The following TNR variants were observed in gnomAD, a reference collection of about 807,000 sequenced individuals.
The protein encoded by TNR is tenascin-R.
Under a neutral mutation model 150.4 loss-of-function variants are expected in TNR, and 45 were observed. The observed-to-expected ratio is 0.30, with a 90% CI of 0.24 to 0.38. The LOEUF (loss-of-function observed/expected upper bound fraction) is 0.38. Among genes scored for constraint, TNR ranks in the 10% least tolerant of loss-of-function variants. TNR has a pLI of 1.00. For missense variants in TNR, 1,544 were observed against 1,759.1 expected (o/e 0.88, Z 2.19); for synonymous variants, 687 against 678.4 (o/e 1.01, Z -0.20).
rs1557860449 is a variant in TNR at position 175,321,101 on chromosome 1, T to TGGGG, written c.*2255_*2256insCCCC. The TGGGG allele has an allele frequency of 6.6e-6, 1 of 152,178 alleles. No individual in the cohort carries two copies. The highest frequency in any genetic ancestry group is 1.5e-5 in the Non-Finnish European group (1 of 68,046). 9.4% of individuals were successfully genotyped at this position (152,178 alleles called of 1,614,324 possible). The stretch of plus-strand genomic sequence containing the variant: ...TCCCATGCAATGTGCTTCCTACTAT[T>TGGGG]CATTGTTGCCCCGTCTCTAGGTAAG... On this transcript the variant is annotated 3_prime_UTR_variant, in exon 23 of 23. Transcript: ENST00000367674.
At chr1:175,698,461 G>A (rs1666594215) in intron 1 of TNR, among the ~76,000 whole-genome samples, 1 of 152,168 alleles carries the variant, frequency 6.6e-6, no homozygotes, top group Admixed American at 6.5e-5. Flanking sequence ...AAGAGATGGT[G>A]AGGAGACCAG....
intron 1 of TNR, among the ~76,000 whole-genome samples, chr1:175,630,362 T>G (rs1664287702): frequency 6.6e-6 from 1 of 152,200 alleles, no homozygotes; most frequent in Non-Finnish European, 1.5e-5. Context: ...GTTCATTGAG[T>G]GTGTGTCTAT....
Position 175,403,199 on chromosome 1 carries a change from T to A in TNR, c.917A>T (p.Gln306Leu), listed in dbSNP as rs777624185. 1 of 1,613,982 alleles carries A rather than the reference T, an allele frequency of 6.2e-7. No individual in the cohort carries two copies. The highest frequency in any genetic ancestry group is 1.1e-5 in the South Asian group (1 of 91,066). ...ACAGACGCAGAGCCCCTCCTCACAT[T>A]GTCCTCGCCCACTGCAGGCATTCAG... ...QCLNACSGRG[Q>L]CEEGLCVCEE... Residue 306 changes from glutamine to leucine, a missense_variant, in exon 4 of 23, where the codon CAA (glutamine) becomes CTA (leucine). Physicochemically the swap from Gln to Leu is moderately radical, Grantham distance 113 (BLOSUM62 -2). Transcript: ENST00000367674.
At chr1:175,448,510 C>T (rs534078835) in intron 2 of TNR, among the ~76,000 whole-genome samples, 3 of 152,260 alleles carry the variant, frequency 2.0e-5, no homozygotes, top group African/African-American at 7.2e-5. Flanking sequence ...GTGCCCGGCG[C>T]CTTCAGGGAT....
chr1:175,504,029 C>G (rs531444835), intron 2 of TNR, among the ~76,000 whole-genome samples: 8 of 152,080 alleles, frequency 5.3e-5, no homozygotes, highest in Non-Finnish European at 1.2e-4. Flanking sequence ...GGCTGCACCG[C>G]GGGGTGTACG....
At chr1:175,504,031 G>T (rs1402471317) in intron 2 of TNR, among the ~76,000 whole-genome samples, 1 of 152,200 alleles carries the variant, frequency 6.6e-6, no homozygotes. Flanking sequence ...CTGCACCGCG[G>T]GGTGTACGAA....
At chr1:175,449,489 G>C (rs2102091206) in intron 2 of TNR, among the ~76,000 whole-genome samples, 1 of 152,246 alleles carries the variant, frequency 6.6e-6, no homozygotes, top group East Asian at 1.9e-4. Context: ...AATATATTCA[G>C]TGGTTCTGCA....
rs117635416 is a variant in TNR, at chr1:175,321,588, G to C, written c.*1769C>G. The C allele has an allele frequency of 3.9e-3, 589 of 152,590 alleles. 6 individuals are homozygous for C. The highest frequency in any genetic ancestry group is 0.031 in the East Asian group (162 of 5,194). 9.5% of individuals were successfully genotyped at this position (152,590 alleles called of 1,614,324 possible). A position where few individuals can be genotyped will look rare whatever the true frequency, so the allele number is the denominator to read the frequency against. On this transcript the variant is annotated 3_prime_UTR_variant, in exon 23 of 23. Coordinates refer to ENST00000367674, the MANE Select transcript of TNR (RefSeq NM_003285.3). ...GGGCATGGATCTGGGCAGATGTTGC[G>C]GGGATGGTTGCTGATATTGGATTTG...
intron 18 of TNR, among the ~76,000 whole-genome samples, chr1:175,340,260 T>C (rs539044278): frequency 6.6e-6 from 1 of 152,140 alleles, no homozygotes. Flanking sequence ...CATGAGGCAA[T>C]GATGCATCGT....
chr1:175,508,650 A>G (rs1659048500), intron 2 of TNR, among the ~76,000 whole-genome samples: 1 of 152,192 alleles, frequency 6.6e-6, no homozygotes, highest in Non-Finnish European at 1.5e-5. Flanking sequence ...TCGAGGACCC[A>G]TGGGTGTGCG....
At chr1:175,724,751 T>C (rs1667432426) in intron 1 of TNR, among the ~76,000 whole-genome samples, 1 of 152,214 alleles carries the variant, frequency 6.6e-6, no homozygotes, top group Admixed American at 6.5e-5. Flanking sequence ...TGAGAACATG[T>C]AACCATGGCA....
intron 1 of TNR, among the ~76,000 whole-genome samples, chr1:175,598,902 A>T (rs1663117450): frequency 6.6e-6 from 1 of 152,182 alleles, no homozygotes; most frequent in Admixed American, 6.5e-5. Flanking sequence ...TGCTCTAATG[A>T]ATCTGTAAGC....
intron 1 of TNR, among the ~76,000 whole-genome samples, chr1:175,579,123 C>T (rs1662236278): frequency 6.6e-6 from 1 of 151,488 alleles, no homozygotes; most frequent in Non-Finnish European, 1.5e-5. Flanking sequence ...TCCCTCTCTC[C>T]CTCCCTCCCT....
At chr1:175,544,757 G>A (rs1026966433) in intron 1 of TNR, among the ~76,000 whole-genome samples, 7 of 152,240 alleles carry the variant, frequency 4.6e-5, no homozygotes, top group Non-Finnish European at 2.9e-5. Flanking sequence ...TGGAAAGGTA[G>A]AAGGAGAACC....
At chr1:175,433,715 A>C (rs999825881) in intron 2 of TNR, among the ~76,000 whole-genome samples, 7 of 152,346 alleles carry the variant, frequency 4.6e-5, no homozygotes, top group African/African-American at 1.7e-4. Flanking sequence ...AGTGATTTAC[A>C]GTTCCCTTGG....
At chr1:175,612,367 G>A (rs1458746425) in intron 1 of TNR, among the ~76,000 whole-genome samples, 2 of 152,148 alleles carry the variant, frequency 1.3e-5, no homozygotes, top group African/African-American at 4.8e-5. Context: ...TCTTGCAAAG[G>A]CAGCCCCTTG....
chr1:175,386,060 G>A lies in TNR; in HGVS notation c.1749C>T (p.Ser583=), dbSNP rs149364113. 2.3e-4 allele frequency: 364 copies of A among 1,601,598 alleles called. 3 individuals carry two copies. In the Admixed American group the frequency reaches 6.0e-3, roughly 26 times the overall value. ...TTGTGAACTGAGTGGTGGCAGAATC[G>A]CTCTCGTTGGTCCCTCGGACGGCAC... The part of the protein sequence containing the change: ...SVSAVRGTNE[S]DSATTQFTTE... The change falls in exon 8 of 23, where the codon AGC becomes AGT. Residue 583 remains serine (S), a synonymous_variant. Transcript: ENST00000367674.
chr1:175,567,579 G>T (rs893708831), intron 1 of TNR, among the ~76,000 whole-genome samples: 10 of 152,312 alleles, frequency 6.6e-5, no homozygotes, highest in South Asian at 6.2e-4. Flanking sequence ...CATCTCTGTT[G>T]TGATGTTCAT....
intron 2 of TNR, among the ~76,000 whole-genome samples, chr1:175,473,800 G>A (rs1049515680): frequency 2.0e-5 from 3 of 152,116 alleles, no homozygotes; most frequent in Admixed American, 6.5e-5. Context: ...CAATCTACCC[G>A]GAAAGATCAA....
Sources: allele counts gnomAD v4.1 joint callset (sites outside exome capture counted in the v4.1 genomes callset), GRCh38; gene constraint gnomAD v4.1.1; transcripts MANE v1.5; gene names NCBI Gene and HGNC (gene_info 2026-07-23, HGNC 2026-07-21).